The following SHISA9 variants were observed in gnomAD, a reference collection of about 807,000 sequenced individuals.
The protein encoded by SHISA9 is shisa family member 9.
In SHISA9, 13 loss-of-function variants were observed where a neutral mutation model predicts 38.0. The ratio of observed to expected loss-of-function variants is 0.34; its 90% CI spans 0.22 to 0.54. The LOEUF (loss-of-function observed/expected upper bound fraction) is 0.54. Ranked by LOEUF, SHISA9 falls within the 20% of genes least tolerant of loss-of-function variation. SHISA9 has a pLI of 0.91. For synonymous variants in SHISA9, 275 were observed against 242.0 expected, an observed-to-expected ratio of 1.14 and a Z score of -1.27; for missense variants, 538 against 575.8, an observed-to-expected ratio of 0.93 and a Z score of 0.67.
At chr16:13,153,503 C>G (rs992631126) in intron 2 of SHISA9, among the ~76,000 whole-genome samples, 8 of 152,148 alleles carry the variant, frequency 5.3e-5, no homozygotes, top group African/African-American at 1.9e-4. Flanking sequence ...GTTGATGTAT[C>G]TCATGCCCAT....
chr16:13,047,030 A>G (rs2073195875), intron 2 of SHISA9, among the ~76,000 whole-genome samples: 1 of 152,004 alleles, frequency 6.6e-6, no homozygotes, highest in Admixed American at 6.6e-5. Context: ...TTCATTTTGG[A>G]GATGATGGTT....
chr16:13,076,835 C>T (rs529525764), intron 2 of SHISA9, among the ~76,000 whole-genome samples: 38 of 152,260 alleles, frequency 2.5e-4, no homozygotes, highest in Non-Finnish European at 4.1e-4. Flanking sequence ...TGTCTGAGAC[C>T]GTATCCCTAC....
At chr16:13,467,174 G>T in the SHISA9 span, among the ~76,000 whole-genome samples, 9 of 152,108 alleles carry the variant, frequency 5.9e-5, no homozygotes, top group Non-Finnish European at 1.3e-4. Flanking sequence ...TGAGTGTGTT[G>T]TCAGAAGAGA....
chr16:13,417,732 G>C, the SHISA9 span, among the ~76,000 whole-genome samples: 29 of 152,304 alleles, frequency 1.9e-4, no homozygotes, highest in Middle Eastern at 3.4e-3. Flanking sequence ...CCTGTGCCTG[G>C]ATGATGAGAT....
chr16:13,064,233 C>T (rs1463968418), intron 2 of SHISA9, among the ~76,000 whole-genome samples: 4 of 152,188 alleles, frequency 2.6e-5, no homozygotes, highest in African/African-American at 9.7e-5. Flanking sequence ...AGGCCACAGT[C>T]ATTCATTTAT....
At chr16:13,167,605 C>T (rs1481712396) in intron 2 of SHISA9, among the ~76,000 whole-genome samples, 2 of 152,188 alleles carry the variant, frequency 1.3e-5, no homozygotes, top group Admixed American at 6.5e-5. Context: ...AGCACCACCT[C>T]TCCAAGTGCT....
In SHISA9 at chr16:13,219,906, C is replaced by T. The variant is rs531818970; in HGVS notation, c.895+6606C>T. Among the ~76,000 whole-genome samples, 18 of 152,116 alleles carry T rather than the reference C, an allele frequency of 1.2e-4. No homozygotes were observed. In the South Asian group the frequency reaches 3.5e-3, roughly 30 times the overall value. On this transcript the variant is annotated intron_variant, in intron 4 of 4. Transcript: ENST00000558583. Reference sequence around the variant, plus strand: ...CCAGGAGGCGGAGGTTGCAGTGAGCCAAGATCACGCCACTGCACTCCAGCC... The same window carrying T: ...CCAGGAGGCGGAGGTTGCAGTGAGCTAAGATCACGCCACTGCACTCCAGCC...
chr16:13,259,575 A>G, the SHISA9 span, among the ~76,000 whole-genome samples: 1 of 152,198 alleles, frequency 6.6e-6, no homozygotes, highest in South Asian at 2.1e-4. Context: ...ACTTTTACCT[A>G]TGCATCCAAG....
intron 2 of SHISA9, among the ~76,000 whole-genome samples, chr16:13,003,750 C>G (rs1319787617): frequency 6.6e-6 from 1 of 152,082 alleles, no homozygotes; most frequent in Non-Finnish European, 1.5e-5. Flanking sequence ...CCCAGCTACT[C>G]AGGAGGCTGA....
In SHISA9 at chr16:13,066,583, A is replaced by G. The variant is rs79464007; in HGVS notation, c.692-136811A>G. Among the ~76,000 whole-genome samples the G allele has an allele frequency of 1.1e-3, 173 of 152,326 alleles. 1 individual carries two copies. Among genetic ancestry groups the G allele is most frequent in the African/African-American group, 4.0e-3 (165 of 41,576 alleles). ...GATTGATAATGGGGTTAATGCGGGA[A>G]GGTCACCTAACTTCTATAAGCCTCA... On this transcript the variant is annotated intron_variant, in intron 2 of 4. Transcript: ENST00000558583.
At chr16:13,213,371 G>C (rs1428644592) in intron 4 of SHISA9, 71 bp downstream of exon 4, 3 of 1,400,570 alleles carry the variant, frequency 2.1e-6, no homozygotes, top group African/African-American at 2.9e-5. Context: ...TGAAGGGATA[G>C]AGAGTCCTGG....
At chr16:13,253,685 C>T in the SHISA9 span, among the ~76,000 whole-genome samples, 1 of 152,136 alleles carries the variant, frequency 6.6e-6, no homozygotes, top group East Asian at 1.9e-4. Flanking sequence ...CAAGATCCCT[C>T]CCACAACACA....
At chr16:13,485,038 TTTTAAC>T in the SHISA9 span, among the ~76,000 whole-genome samples, 1 of 152,014 alleles carries the variant, frequency 6.6e-6, no homozygotes, top group Non-Finnish European at 1.5e-5. Context: ...TCTTTTTTTT[TTTTAAC>T]TTTAAGTTCT....
At chr16:13,028,684 A>G (rs1158142784) in intron 2 of SHISA9, among the ~76,000 whole-genome samples, 2 of 152,240 alleles carry the variant, frequency 1.3e-5, no homozygotes, top group Admixed American at 6.5e-5. Context: ...AAACCATATC[A>G]AAAGCCTTCA....
intron 2 of SHISA9, among the ~76,000 whole-genome samples, chr16:13,118,208 A>G (rs2074050285): frequency 6.6e-6 from 1 of 151,354 alleles, no homozygotes; most frequent in Non-Finnish European, 1.5e-5. Context: ...AAAGCTCACA[A>G]TCTAGAGCTG....
chr16:13,329,550 C>G, the SHISA9 span, among the ~76,000 whole-genome samples: 2 of 152,158 alleles, frequency 1.3e-5, no homozygotes, highest in African/African-American at 4.8e-5. Context: ...AATTTGAGTT[C>G]TGCTATGTCA....
chr16:12,910,393 A>C lies in SHISA9; in HGVS notation c.564-6295A>C, dbSNP rs772716167. On this transcript the variant is annotated intron_variant, in intron 1 of 4. Transcript: ENST00000558583. ...CTGTGCTGAGAGATATGAGATAACC[A>C]TGAATAGTACAAAAGCAATCCCTGC... is the stretch of plus-strand genomic sequence containing the variant. 9 of 847,064 alleles carry C rather than the reference A, an allele frequency of 1.1e-5. No individual in the cohort carries two copies. The African/African-American group carries it at 1.7e-4, about 16-fold the overall frequency. The allele number at this position is 847,064 out of a possible 1,614,324, so 52.5% of individuals were successfully genotyped here. A position where few individuals can be genotyped will look rare whatever the true frequency, so the allele number is the denominator to read the frequency against.
At chr16:13,217,517 C>G (rs2051182032) in intron 4 of SHISA9, among the ~76,000 whole-genome samples, 2 of 152,282 alleles carry the variant, frequency 1.3e-5, no homozygotes, top group South Asian at 2.1e-4. Context: ...GCCTGCGTCC[C>G]CCTTTCCAAG....
At chr16:13,273,202 CA>C in the SHISA9 span, among the ~76,000 whole-genome samples, 3 of 151,184 alleles carry the variant, frequency 2.0e-5, no homozygotes, top group Non-Finnish European at 4.4e-5. Flanking sequence ...TACACCAATG[CA>C]AAAAAAAGAG....
Sources: allele counts gnomAD v4.1 joint callset (sites outside exome capture counted in the v4.1 genomes callset), GRCh38; gene constraint gnomAD v4.1.1; transcripts MANE v1.5; gene names NCBI Gene and HGNC (gene_info 2026-07-23, HGNC 2026-07-21).